KCNQ1: variants seen among roughly 807,000 people sequenced by gnomAD.
The protein encoded by KCNQ1 is potassium voltage-gated channel subfamily KQT member 1.
KCNQ1 carries 49 observed loss-of-function variants against 72.4 expected under a neutral mutation model. The ratio of observed to expected loss-of-function variants is 0.68; its 90% CI spans 0.54 to 0.86. KCNQ1 has a LOEUF of 0.86. KCNQ1 is among the 40% of genes least tolerant of loss of function. KCNQ1 has a pLI of 0.00. For missense variants in KCNQ1, 790 were observed against 945.1 expected, an observed-to-expected ratio of 0.84 and a Z score of 2.15; for synonymous variants, 450 against 412.6, an observed-to-expected ratio of 1.09 and a Z score of -1.10.
In KCNQ1 at chr11:2,667,193, G is replaced by A. The variant is rs1293118027; in HGVS notation, c.1514+5112G>A. The stretch of plus-strand genomic sequence containing the variant: ...CCAGCCTGCCATCAGCCCAGCTGTG[G>A]CGGCCCCCCGTGGCCCCCTAACCTT... On this transcript the variant is annotated intron_variant, in intron 11 of 15. Transcript: ENST00000155840. The A allele has an allele frequency of 1.5e-5, 6 of 398,614 alleles. No homozygotes were observed. In the South Asian group the frequency reaches 3.8e-4, roughly 25 times the overall value. 24.7% of individuals were successfully genotyped at this position (398,614 alleles called of 1,614,324 possible).
Position 2,690,216 on chromosome 11 carries a change from C to T in KCNQ1, c.1514+28135C>T, listed in dbSNP as rs879903641. 2.5e-6 allele frequency: 1 copy of T among 398,752 alleles called. No homozygotes were observed. The highest frequency in any genetic ancestry group is 4.4e-6 in the Non-Finnish European group (1 of 226,154). The allele number at this position is 398,752 out of a possible 1,614,324, so 24.7% of individuals were successfully genotyped here. ...GGGCTAAACTCTGCTGTGTCAAGTG[C>T]CTGGTGACCTCAAGCAAGTCATTCC... On this transcript the variant is annotated intron_variant, in intron 11 of 15. Transcript: ENST00000155840. The surrounding 1 kb of genome is among the most constrained non-coding windows in gnomAD (Gnocchi z 5.1).
intron 2 of KCNQ1, among the ~76,000 whole-genome samples, chr11:2,548,758 T>TG (rs1282005069): frequency 5.9e-5 from 9 of 152,246 alleles, no homozygotes; most frequent in African/African-American, 2.2e-4. Context: ...TGTTGGGCTC[T>TG]GGCGGTGGCC....
rs1850304619 is a variant in KCNQ1 at position 2,676,933 on chromosome 11, C to A, written c.1514+14852C>A. ...CTTAAAAGGAAGACACTGGTATGTT[C>A]TGGAGATGGATCTGTATTAAGACAT... On this transcript the variant is annotated intron_variant, in intron 11 of 15. Transcript: ENST00000155840. The surrounding 1 kb of genome is among the most constrained non-coding windows in gnomAD (Gnocchi z 4.2). 2.5e-6 allele frequency: 1 copy of A among 398,612 alleles called. No homozygotes were observed. Among genetic ancestry groups the A allele is most frequent in the Non-Finnish European group, 4.4e-6 (1 of 226,066 alleles). 24.7% of individuals were successfully genotyped at this position (398,612 alleles called of 1,614,324 possible).
rs1716701799 is a variant in KCNQ1 at position 2,768,767 on chromosome 11, C to T, written c.1515-77C>T. On this transcript the variant is annotated intron_variant, in intron 11 of 15. Transcript: ENST00000155840. This position sits in a 1 kb window ranked among gnomAD's most constrained non-coding sequence, Gnocchi z 6.7. ...GGAAGGATCCAGTCTGCGTGCTCCTCAGGCAGTGCAGGGGCAGTGAGGGGA... is the reference window on the plus strand; with the variant it reads ...GGAAGGATCCAGTCTGCGTGCTCCTTAGGCAGTGCAGGGGCAGTGAGGGGA... 2 of 1,098,912 alleles carry T rather than the reference C, an allele frequency of 1.8e-6. No individual in the cohort carries two copies. Among genetic ancestry groups the T allele is most frequent in the Non-Finnish European group, 2.8e-6 (2 of 710,100 alleles). 68.1% of individuals were successfully genotyped at this position (1,098,912 alleles called of 1,614,324 possible).
chr11:2,791,549 G>A (rs978091421), intron 15 of KCNQ1, among the ~76,000 whole-genome samples: 7 of 151,906 alleles, frequency 4.6e-5, no homozygotes, highest in African/African-American at 1.7e-4. Flanking sequence ...TCCCTCCCGG[G>A]GAGGGGACCT....
rs981101996 is a variant in KCNQ1 at position 2,711,275 on chromosome 11, A to G, written c.1514+49194A>G. Reference sequence around the variant, plus strand: ...CTGGGTTCTGCCCATCCTCCAGCCCATCTCCCTTGGAGTCTCTCCCCGACT... The same window carrying G: ...CTGGGTTCTGCCCATCCTCCAGCCCGTCTCCCTTGGAGTCTCTCCCCGACT... On this transcript the variant is annotated intron_variant, in intron 11 of 15. Coordinates refer to ENST00000155840, the MANE Select transcript of KCNQ1 (RefSeq NM_000218.3). The surrounding 1 kb of genome is among the most constrained non-coding windows in gnomAD (Gnocchi z 5.4). 2.6e-5 allele frequency among the ~76,000 whole-genome samples: 4 copies of G among 152,032 alleles called. No individual in the cohort carries two copies. Among genetic ancestry groups the G allele is most frequent in the Admixed American group, 1.3e-4 (2 of 15,284 alleles).
At chr11:2,716,084 CG>C (rs1490209336) in intron 11 of KCNQ1, among the ~76,000 whole-genome samples, 2 of 152,188 alleles carry the variant, frequency 1.3e-5, no homozygotes, top group Admixed American at 1.3e-4. Flanking sequence ...ACCCCACCGC[CG>C]GGGTCGGAGC....
At chr11:2,697,313 A>G (rs1850694209) in intron 11 of KCNQ1, 1 of 398,622 alleles carries the variant, frequency 2.5e-6, no homozygotes, top group African/African-American at 2.1e-5. Context: ...GAGAATCTTT[A>G]TGGAGACCAT....
intron 1 of KCNQ1, among the ~76,000 whole-genome samples, chr11:2,513,192 C>A: frequency 6.6e-6 from 1 of 152,272 alleles, no homozygotes; most frequent in South Asian, 2.1e-4. Flanking sequence ...CGACCAGGAC[C>A]TTTGTACTCT....
At position 2,612,827 on chromosome 11, in the gene KCNQ1, C is replaced by CT; in HGVS notation, c.1393+23976dup. On this transcript the variant is annotated intron_variant, in intron 10 of 15. Transcript: ENST00000155840. The surrounding 1 kb of genome is among the most constrained non-coding windows in gnomAD (Gnocchi z 5.5). ...TCTCATTTTTTTTGTTAAAAACTTA[C>CT]TTTAGATAATATATCGTAGAAACTC... 5.0e-6 allele frequency: 2 copies of CT among 398,470 alleles called. No homozygotes were observed. The highest frequency in any genetic ancestry group is 7.1e-5 in the East Asian group (2 of 28,074). The allele number at this position is 398,470 out of a possible 1,614,324, so 24.7% of individuals were successfully genotyped here. A position where few individuals can be genotyped will look rare whatever the true frequency, so the allele number is the denominator to read the frequency against.
intron 15 of KCNQ1, among the ~76,000 whole-genome samples, chr11:2,837,379 G>C (rs562049680): frequency 4.5e-4 from 68 of 152,094 alleles, no homozygotes; most frequent in Non-Finnish European, 7.2e-4. Context: ...TGGGGCCCAG[G>C]AGAGCCCGCT....
Position 2,648,292 on chromosome 11 carries a change from CTATT to C in KCNQ1, c.1394-13663_1394-13660del, listed in dbSNP as rs1590003936. 1.0e-5 allele frequency: 4 copies of C among 398,452 alleles called. No homozygotes were observed. The East Asian group carries it at 1.4e-4, about 14-fold the overall frequency. 24.7% of individuals were successfully genotyped at this position (398,452 alleles called of 1,614,324 possible). On this transcript the variant is annotated intron_variant, in intron 10 of 15. Coordinates refer to ENST00000155840, the MANE Select transcript of KCNQ1 (RefSeq NM_000218.3). ...TCATTTAGATCTGCTCTGATCTTTA[CTATT>C]TATTTCCTTCTAATTTTAGGTTTGA...
chr11:2,689,947 C>G (rs1418356709), intron 11 of KCNQ1: 1 of 398,828 alleles, frequency 2.5e-6, no homozygotes, highest in Non-Finnish European at 4.4e-6. Flanking sequence ...CCAACGATGA[C>G]AGTGACTAGC....
rs1388457776 is a variant in KCNQ1, at chr11:2,724,936, G to C, written c.1515-43908G>C. On this transcript the variant is annotated intron_variant, in intron 11 of 15. Coordinates refer to ENST00000155840, the MANE Select transcript of KCNQ1 (RefSeq NM_000218.3). This position sits in a 1 kb window ranked among gnomAD's most constrained non-coding sequence, Gnocchi z 6.8. Reference sequence around the variant, plus strand: ...GATGACTGATCCAGTAACCTGGACAGGGTGCCGAGGGCAGGGTCTGGTGTG... The same window carrying C: ...GATGACTGATCCAGTAACCTGGACACGGTGCCGAGGGCAGGGTCTGGTGTG... Among the ~76,000 whole-genome samples the C allele has an allele frequency of 6.6e-6, 1 of 152,214 alleles. No homozygotes were observed. The highest frequency in any genetic ancestry group is 1.9e-4 in the East Asian group (1 of 5,188).
At position 2,750,449 on chromosome 11, in the gene KCNQ1, A is replaced by C; in HGVS notation, c.1515-18395A>C. ...GAATGTCCAGGCTCCTGCTGGCCCA[A>C]GCTCCAAGTTCTCTGGCTCCCAGGG... On this transcript the variant is annotated intron_variant, in intron 11 of 15. Coordinates refer to ENST00000155840, the MANE Select transcript of KCNQ1 (RefSeq NM_000218.3). This position sits in a 1 kb window ranked among gnomAD's most constrained non-coding sequence, Gnocchi z 6.3. 6.6e-6 allele frequency among the ~76,000 whole-genome samples: 1 copy of C among 152,058 alleles called. No individual in the cohort carries two copies. The highest frequency in any genetic ancestry group is 1.5e-5 in the Non-Finnish European group (1 of 68,006).
intron 10 of KCNQ1, chr11:2,650,703 G>GT (rs1357792106): frequency 2.5e-6 from 1 of 398,644 alleles, no homozygotes; most frequent in Non-Finnish European, 4.4e-6. Context: ...CAGTTTTGCA[G>GT]TGCTGGGCAG....
chr11:2,537,818 A>G lies in KCNQ1; in HGVS notation c.477+9800A>G, dbSNP rs971092260. Among the ~76,000 whole-genome samples the G allele has an allele frequency of 6.6e-6, 1 of 152,012 alleles. No homozygotes were observed. Among genetic ancestry groups the G allele is most frequent in the Non-Finnish European group, 1.5e-5 (1 of 68,014 alleles). Reference sequence around the variant, plus strand: ...ACTGCAGCCTCGGCCTCCTGGCCTCAAGTGTTCCCACTTCAGCCTCCTGAG... The same window carrying G: ...ACTGCAGCCTCGGCCTCCTGGCCTCGAGTGTTCCCACTTCAGCCTCCTGAG... On this transcript the variant is annotated intron_variant, in intron 2 of 15. Transcript: ENST00000155840. The surrounding 1 kb of genome is among the most constrained non-coding windows in gnomAD (Gnocchi z 5.2).
Position 2,736,022 on chromosome 11 carries a change from AG to A in KCNQ1, c.1515-32817del, listed in dbSNP as rs546776189. Among the ~76,000 whole-genome samples, 305 of 152,256 alleles carry A rather than the reference AG, an allele frequency of 2.0e-3. 1 individual carries two copies. The highest frequency in any genetic ancestry group is 6.8e-3 in the African/African-American group (281 of 41,566). On this transcript the variant is annotated intron_variant, in intron 11 of 15. Transcript: ENST00000155840. ...CTGTGTACAAAGGGACAGAGAAGCG[AG>A]GGGGCTCCTTGGCCCTCCAGTATGT...
Position 2,573,043 on chromosome 11 carries a change from A to G in KCNQ1, c.921+57A>G, listed in dbSNP as rs2133733248. ...GGGCAGCTCAGGCTGAGGAGTGGGC[A>G]GGACATCTGGGCACTGGTGTCTTGA... On this transcript the variant is annotated intron_variant, in intron 6 of 15. Transcript: ENST00000155840. 3.8e-6 allele frequency: 6 copies of G among 1,586,196 alleles called. No homozygotes were observed. In the Admixed American group the frequency reaches 1.0e-4, roughly 27 times the overall value.
Sources: gnomAD v4.1 joint callset for allele counts (sites outside exome capture counted in the v4.1 genomes callset) on GRCh38, gnomAD v4.1.1 for gene constraint, Gnocchi (gnomAD v3.1) non-coding constraint, MANE v1.5 for transcripts, NCBI Gene and HGNC (gene_info 2026-07-23, HGNC 2026-07-21) for gene names.